RBFOX1: variants seen among roughly 807,000 people sequenced by gnomAD.
RBFOX1 encodes the protein RNA binding protein fox-1 homolog 1.
In RBFOX1, 8 loss-of-function variants were observed where a neutral mutation model predicts 57.7. The observed-to-expected ratio is 0.14, with a 90% confidence interval of 0.08 to 0.25. The LOEUF (loss-of-function observed/expected upper bound fraction) is 0.25, where lower values mean the gene tolerates loss of function less well. RBFOX1 is among the 10% of genes least tolerant of loss of function. The pLI is 1.00. For synonymous variants in RBFOX1, 326 were observed against 222.4 expected, an observed-to-expected ratio of 1.47 and a Z score of -4.15; for missense variants, 611 against 548.5, an observed-to-expected ratio of 1.11 and a Z score of -1.14.
At chr16:6,183,654 G>A (rs375481817) in intron 1 of RBFOX1, among the ~76,000 whole-genome samples, 8 of 152,192 alleles carry the variant, frequency 5.3e-5, no homozygotes, top group South Asian at 2.1e-4. Context: ...AAAGATTCAC[G>A]TGGATGTCTA....
chr16:6,656,999 TTTC>T (rs2098661340), intron 3 of RBFOX1, among the ~76,000 whole-genome samples: 1 of 114,476 alleles, frequency 8.7e-6, no homozygotes, highest in South Asian at 3.9e-4. Flanking sequence ...TCTCCTCCCC[TTTC>T]CTCTCCTCTC....
intron 2 of RBFOX1, among the ~76,000 whole-genome samples, chr16:6,420,278 G>C (rs887117839): frequency 6.6e-6 from 1 of 152,096 alleles, no homozygotes; most frequent in African/African-American, 2.4e-5. Context: ...ATGCACAGTA[G>C]CAAAGACTGG....
intron 3 of RBFOX1, among the ~76,000 whole-genome samples, chr16:5,729,689 G>A (rs2151556958): frequency 6.6e-6 from 1 of 152,208 alleles, no homozygotes; most frequent in Admixed American, 6.5e-5. Context: ...CAGGTATTTG[G>A]GTAGGGCTGT....
chr16:5,397,269 T>C (rs552179369), intron 1 of RBFOX1, among the ~76,000 whole-genome samples: 4 of 152,308 alleles, frequency 2.6e-5, no homozygotes, highest in African/African-American at 9.6e-5. Context: ...TGGTATCCTC[T>C]TGAACTCAGG....
chr16:7,004,501 T>A (rs1359826876), intron 3 of RBFOX1, among the ~76,000 whole-genome samples: 1 of 152,296 alleles, frequency 6.6e-6, no homozygotes, highest in African/African-American at 2.4e-5. Context: ...GATCAGTAAG[T>A]TGGTATGCCA....
At chr16:6,017,209 T>A (rs764935659), upstream of RBFOX1, among the ~76,000 whole-genome samples, 2 of 152,246 alleles carry the variant, frequency 1.3e-5, no homozygotes, top group Non-Finnish European at 2.9e-5. Flanking sequence ...ATTCATTTGT[T>A]CCTTTCTGGA....
At chr16:6,767,945 AAT>A (rs1255114351) in intron 3 of RBFOX1, among the ~76,000 whole-genome samples, 4 of 76,918 alleles carry the variant, frequency 5.2e-5, no homozygotes, top group East Asian at 8.4e-4. Context: ...TAATAATAAT[AAT>A]AAGAAGAAGA....
intron 2 of RBFOX1, among the ~76,000 whole-genome samples, chr16:5,594,108 A>G (rs2047103289): frequency 6.6e-6 from 1 of 151,908 alleles, no homozygotes; most frequent in Non-Finnish European, 1.5e-5. Flanking sequence ...GGAACTCATC[A>G]TGCACCCAGA....
intron 3 of RBFOX1, among the ~76,000 whole-genome samples, chr16:6,965,179 G>A (rs2083848839): frequency 6.6e-6 from 1 of 152,172 alleles, no homozygotes; most frequent in South Asian, 2.1e-4. Context: ...TGTGGTGGTA[G>A]ATTCTGGGAG....
intron 3 of RBFOX1, among the ~76,000 whole-genome samples, chr16:6,727,073 A>ACAC (rs2067379052): frequency 9.4e-6 from 1 of 106,158 alleles, no homozygotes; most frequent in African/African-American, 3.2e-5. Context: ...ACAGACACAG[A>ACAC]GAGAGACACA....
At chr16:7,301,264 A>G (rs2096023985) in intron 4 of RBFOX1, among the ~76,000 whole-genome samples, 1 of 152,196 alleles carries the variant, frequency 6.6e-6, no homozygotes, top group East Asian at 1.9e-4. Context: ...TCCTTAATAT[A>G]GTTGCAGTGT....
chr16:6,335,881 C>T (rs801996), intron 2 of RBFOX1, among the ~76,000 whole-genome samples: 98,288 of 149,856 alleles, frequency 0.66, 33,513 homozygotes, highest in African/African-American at 0.84. Context: ...TGTGATATTT[C>T]CTATGTCCAT....
At chr16:6,773,935 T>G (rs1352053799) in intron 3 of RBFOX1, 1 of 984,932 alleles carries the variant, frequency 1.0e-6, no homozygotes, top group Non-Finnish European at 1.2e-6. Context: ...TGGAGTGTGT[T>G]TGTGTGTGTG....
chr16:6,616,549 G>A (rs1202714763), intron 2 of RBFOX1, among the ~76,000 whole-genome samples: 5 of 152,144 alleles, frequency 3.3e-5, no homozygotes, highest in African/African-American at 4.8e-5. Flanking sequence ...GGTGGCGGGC[G>A]TCTGTAGTCC....
intron 4 of RBFOX1, among the ~76,000 whole-genome samples, chr16:7,416,597 T>G (rs2098480204): frequency 6.6e-6 from 1 of 152,132 alleles, no homozygotes; most frequent in South Asian, 2.1e-4. Flanking sequence ...CTTCTTGTCT[T>G]CATGGATAGT....
intron 1 of RBFOX1, among the ~76,000 whole-genome samples, chr16:6,044,307 A>C (rs1250451048): frequency 6.6e-6 from 1 of 152,124 alleles, no homozygotes; most frequent in Non-Finnish European, 1.5e-5. Flanking sequence ...TGAAATTTCC[A>C]CATGAAAGCA....
chr16:7,341,756 T>TTCCCTCCTTCCCTCCC (rs1568305997), intron 4 of RBFOX1, among the ~76,000 whole-genome samples: 2 of 58,104 alleles, frequency 3.4e-5, no homozygotes, highest in East Asian at 6.3e-4. Context: ...CCCTCCCTCC[T>TTCCCTCCTTCCCTCCC]TCCCTCCTTC....
At chr16:7,448,074 C>G (rs2098822449) in intron 4 of RBFOX1, among the ~76,000 whole-genome samples, 1 of 152,216 alleles carries the variant, frequency 6.6e-6, no homozygotes, top group South Asian at 2.1e-4. Flanking sequence ...CTAAGGGCCA[C>G]TGAAAGCTAC....
chr16:5,378,723 AC>A (rs1359120437), intron 1 of RBFOX1, among the ~76,000 whole-genome samples: 1 of 151,498 alleles, frequency 6.6e-6, no homozygotes, highest in African/African-American at 2.5e-5. Context: ...CCCATGACTT[AC>A]GTTTTCTGAG....
Sources: gnomAD v4.1 joint callset for allele counts (sites outside exome capture counted in the v4.1 genomes callset) on GRCh38, gnomAD v4.1.1 for gene constraint, MANE v1.5 for transcripts, NCBI Gene and HGNC (gene_info 2026-07-23, HGNC 2026-07-21) for gene names.